Variants in DYNC2LI1 observed in about 807,000 individuals in gnomAD.
DYNC2LI1 encodes cytoplasmic dynein 2 light intermediate chain 1.
In DYNC2LI1, 45 loss-of-function variants were observed where a neutral mutation model predicts 51.9. The ratio of observed to expected loss-of-function variants is 0.87; its 90% CI spans 0.68 to 1.11. The LOEUF is 1.11. Ranked by LOEUF, DYNC2LI1 falls within the 50% of genes most tolerant of loss-of-function variation. DYNC2LI1 has a pLI of 0.00. For synonymous variants in DYNC2LI1, 130 were observed against 137.8 expected (o/e 0.94, Z 0.40); for missense variants, 490 against 417.4 (o/e 1.17, Z -1.51).
downstream of DYNC2LI1, among the ~76,000 whole-genome samples, chr2:43,813,498 G>T (rs1331103782): frequency 6.6e-6 from 1 of 152,078 alleles, no homozygotes; most frequent in Admixed American, 6.5e-5. Context: ...AGATGGACAT[G>T]CTTTTGTTTC....
chr2:43,774,172 GGAAAGGCTACT>G (rs774808044), intron 1 of DYNC2LI1, 26 bp downstream of exon 1: 11 of 1,613,258 alleles, frequency 6.8e-6, no homozygotes, highest in Non-Finnish European at 8.5e-6. Context: ...GGCTTGCGTG[GGAAAGGCTACT>G]GAGAGTATTC....
rs775531852 is a variant in DYNC2LI1 at position 43,774,103 on chromosome 2, G to T, written c.-36G>T. 4.3e-6 allele frequency: 7 copies of T among 1,613,238 alleles called. No individual in the cohort carries two copies. The highest frequency in any genetic ancestry group is 1.7e-5 in the Admixed American group (1 of 59,982). ...CTGATTCTAGGCTGGTCACTACTCC[G>T]AGCCTGTGACGTTTGCGGCAGCCAG... On this transcript the variant is annotated 5_prime_UTR_variant, in exon 1 of 13. Transcript: ENST00000260605.
chr2:43,813,198 A>G, downstream of DYNC2LI1: 10 of 1,603,284 alleles, frequency 6.2e-6, no homozygotes, highest in Non-Finnish European at 8.5e-6. Context: ...ATACAAAATC[A>G]GAAAGTTCAT....
downstream of DYNC2LI1, among the ~76,000 whole-genome samples, chr2:43,814,278 C>T (rs1312639580): frequency 2.6e-5 from 4 of 152,118 alleles, no homozygotes; most frequent in African/African-American, 7.2e-5. Flanking sequence ...ACCTGTTGAC[C>T]TTTGACAGGA....
the DYNC2LI1 span, chr2:43,819,824 G>T: frequency 7.2e-7 from 1 of 1,389,502 alleles, no homozygotes; most frequent in Non-Finnish European, 1.0e-6. Flanking sequence ...ACCACTATCA[G>T]TTCTCTGGTA....
chr2:43,802,215 T>G (rs1666098452), intron 10 of DYNC2LI1, among the ~76,000 whole-genome samples: 1 of 152,112 alleles, frequency 6.6e-6, no homozygotes, highest in African/African-American at 2.4e-5. Context: ...ACTCATAGAC[T>G]CTATAGGCTT....
At chr2:43,781,186 G>A (rs1673261162) in intron 2 of DYNC2LI1, among the ~76,000 whole-genome samples, 1 of 152,024 alleles carries the variant, frequency 6.6e-6, no homozygotes. Flanking sequence ...GACCAACATA[G>A]TGAAACCCCA....
At chr2:43,787,490 C>G (rs1673581898) in intron 4 of DYNC2LI1, among the ~76,000 whole-genome samples, 2 of 152,214 alleles carry the variant, frequency 1.3e-5, no homozygotes, top group East Asian at 3.9e-4. Flanking sequence ...ACCTTTTTAA[C>G]TTTATTGTAC....
At chr2:43,786,742 C>T (rs576186070) in intron 3 of DYNC2LI1, among the ~76,000 whole-genome samples, 6 of 152,254 alleles carry the variant, frequency 3.9e-5, no homozygotes, top group Admixed American at 1.3e-4. Context: ...AGGAGAATGG[C>T]GTGAACCCAG....
chr2:43,828,232 C>G, the DYNC2LI1 span: 1 of 1,359,578 alleles, frequency 7.4e-7, no homozygotes, highest in South Asian at 1.2e-5. Flanking sequence ...AGGGCCACTT[C>G]CAGACTCACC....
At chr2:43,814,504 C>A (rs777728065), downstream of DYNC2LI1, 2 of 1,607,626 alleles carry the variant, frequency 1.2e-6, no homozygotes, top group Non-Finnish European at 1.7e-6. Flanking sequence ...CCGTAGAACT[C>A]ATTGACTACA....
the DYNC2LI1 span, chr2:43,826,602 C>T: frequency 2.5e-6 from 4 of 1,596,684 alleles, no homozygotes; most frequent in African/African-American, 1.3e-5. Flanking sequence ...CTGAACTGTT[C>T]CTTATTGAGT....
chr2:43,788,789 A>T (rs3792023), intron 4 of DYNC2LI1, among the ~76,000 whole-genome samples: 40,028 of 151,832 alleles, frequency 0.26, 5,627 homozygotes, highest in Middle Eastern at 0.46. Flanking sequence ...GTACCACCAC[A>T]CTCAGCTAAT....
the DYNC2LI1 span, among the ~76,000 whole-genome samples, chr2:43,818,921 C>G: frequency 9.2e-5 from 14 of 152,098 alleles, no homozygotes; most frequent in Admixed American, 7.2e-4. Flanking sequence ...AAGAGACTGG[C>G]AAGTGGTAGA....
chr2:43,788,282 A>G (rs891720757), intron 4 of DYNC2LI1, among the ~76,000 whole-genome samples: 2 of 152,250 alleles, frequency 1.3e-5, no homozygotes, highest in African/African-American at 4.8e-5. Flanking sequence ...TGTAGAGATT[A>G]CAGGATGAAA....
chr2:43,818,812 C>G, the DYNC2LI1 span, among the ~76,000 whole-genome samples: 1 of 152,114 alleles, frequency 6.6e-6, no homozygotes, highest in Non-Finnish European at 1.5e-5. Context: ...AATGTGTTTT[C>G]ATATTGATTA....
At chr2:43,794,761 G>A in intron 6 of DYNC2LI1, 118 bp downstream of exon 6, 1 of 1,556,556 alleles carries the variant, frequency 6.4e-7, no homozygotes, top group Middle Eastern at 1.7e-4. Flanking sequence ...TGATGTAGAT[G>A]AACCTGTTCA....
At chr2:43,822,691 A>G in the DYNC2LI1 span, 6 of 1,579,892 alleles carry the variant, frequency 3.8e-6, no homozygotes, top group African/African-American at 6.7e-5. Flanking sequence ...CAAAGTGTAG[A>G]TCCTCCAGAG....
chr2:43,815,571 T>C, the DYNC2LI1 span, among the ~76,000 whole-genome samples: 1 of 152,102 alleles, frequency 6.6e-6, no homozygotes, highest in African/African-American at 2.4e-5. Context: ...ATTAACCACA[T>C]TGAGAGGTTG....
Sources: allele counts gnomAD v4.1 joint callset (sites outside exome capture counted in the v4.1 genomes callset), GRCh38; gene constraint gnomAD v4.1.1; transcripts MANE v1.5; gene names NCBI Gene and HGNC (gene_info 2026-07-23, HGNC 2026-07-21).